COMMD10: variants seen among roughly 807,000 people sequenced by gnomAD.
COMMD10 encodes COMM domain-containing protein 10.
COMMD10 carries 33 observed loss-of-function variants against 28.9 expected under a neutral mutation model. The ratio of observed to expected loss-of-function variants is 1.14; its 90% confidence interval spans 0.87 to 1.53. The LOEUF (loss-of-function observed/expected upper bound fraction) is 1.53, where lower values mean the gene tolerates loss of function less well. Among genes scored for constraint, COMMD10 ranks in the 40% most tolerant of loss-of-function variants. The pLI, the probability that COMMD10 is intolerant of heterozygous loss-of-function variation, is 0.00. For synonymous variants in COMMD10, 110 were observed against 81.7 expected, an observed-to-expected ratio of 1.35 and a Z score of -1.87; for missense variants, 310 against 233.4, an observed-to-expected ratio of 1.33 and a Z score of -2.14.
intron 5 of COMMD10, among the ~76,000 whole-genome samples, chr5:116,154,759 T>C (rs1369082440): frequency 6.7e-6 from 1 of 149,400 alleles, no homozygotes. Flanking sequence ...TTTTTGCACA[T>C]ACATTTTAAA....
chr5:116,151,643 A>T (rs1363316013), intron 5 of COMMD10, among the ~76,000 whole-genome samples: 243 of 152,202 alleles, frequency 1.6e-3, no homozygotes, highest in Non-Finnish European at 6.8e-4. Context: ...GTTTATTTGC[A>T]TAGAGGTGTT....
At chr5:116,134,516 A>G (rs1751968789) in intron 5 of COMMD10, among the ~76,000 whole-genome samples, 1 of 152,242 alleles carries the variant, frequency 6.6e-6, no homozygotes, top group African/African-American at 2.4e-5. Flanking sequence ...TTTGTTGTCC[A>G]GCTAGAGCCT....
intron 5 of COMMD10, among the ~76,000 whole-genome samples, chr5:116,289,741 A>G (rs949507639): frequency 1.3e-5 from 2 of 151,784 alleles, no homozygotes; most frequent in African/African-American, 4.9e-5. Flanking sequence ...TACACTGAAC[A>G]CTGTGAAATT....
chr5:116,136,344 G>A (rs553842202), intron 5 of COMMD10, among the ~76,000 whole-genome samples: 42 of 152,314 alleles, frequency 2.8e-4, no homozygotes, highest in African/African-American at 1.0e-3. Context: ...TATTCCATGA[G>A]TGAAAATACA....
intron 4 of COMMD10, among the ~76,000 whole-genome samples, chr5:116,113,108 A>T (rs910352553): frequency 6.6e-6 from 1 of 152,160 alleles, no homozygotes; most frequent in African/African-American, 2.4e-5. Flanking sequence ...TTCTTGGCTG[A>T]CAGTTGTTTT....
At chr5:116,129,800 A>C (rs1307985647) in intron 4 of COMMD10, among the ~76,000 whole-genome samples, 2 of 145,112 alleles carry the variant, frequency 1.4e-5, no homozygotes, top group East Asian at 3.9e-4. Context: ...ACTATATACT[A>C]TATAATATAT....
At chr5:116,202,903 T>A (rs1435026800) in intron 5 of COMMD10, among the ~76,000 whole-genome samples, 1 of 152,182 alleles carries the variant, frequency 6.6e-6, no homozygotes, top group Non-Finnish European at 1.5e-5. Context: ...AAATCCCATT[T>A]GTCAATTTTG....
intron 3 of COMMD10, among the ~76,000 whole-genome samples, chr5:116,091,952 C>T (rs1330756215): frequency 6.6e-6 from 1 of 152,140 alleles, no homozygotes; most frequent in Non-Finnish European, 1.5e-5. Context: ...GCCTTACATA[C>T]ATTATAGATC....
intron 2 of COMMD10, 34 bp downstream of exon 2, chr5:116,087,621 T>A: frequency 7.4e-7 from 1 of 1,351,188 alleles, no homozygotes. Context: ...CCTTGTAATC[T>A]TCCTTCTGAT....
At chr5:116,184,071 A>T (rs1006369005) in intron 5 of COMMD10, among the ~76,000 whole-genome samples, 3 of 152,098 alleles carry the variant, frequency 2.0e-5, no homozygotes, top group African/African-American at 7.2e-5. Context: ...TGAGGTCATG[A>T]TGCTTTGGGG....
chr5:116,179,776 G>C (rs965253166), intron 5 of COMMD10, among the ~76,000 whole-genome samples: 10 of 152,074 alleles, frequency 6.6e-5, no homozygotes, highest in African/African-American at 2.4e-4. Flanking sequence ...TCAACTGGAA[G>C]GTCAGTGTGA....
intron 5 of COMMD10, among the ~76,000 whole-genome samples, chr5:116,203,187 A>G (rs1331050501): frequency 6.6e-6 from 1 of 152,170 alleles, no homozygotes. Flanking sequence ...GAAAGTTTAG[A>G]GAAAAAAGAA....
intron 5 of COMMD10, among the ~76,000 whole-genome samples, chr5:116,233,594 A>G (rs919333140): frequency 7.9e-5 from 12 of 152,174 alleles, no homozygotes; most frequent in Admixed American, 2.6e-4. Context: ...TAAGGTGGTC[A>G]AGGAAGACCT....
chr5:116,193,739 C>T (rs918013820), intron 5 of COMMD10, among the ~76,000 whole-genome samples: 3 of 151,844 alleles, frequency 2.0e-5, no homozygotes, highest in Non-Finnish European at 4.4e-5. Context: ...TTCAGTACTC[C>T]ACTGACGGTA....
chr5:116,218,362 G>T (rs1749158943), intron 5 of COMMD10: 1 of 612,440 alleles, frequency 1.6e-6, no homozygotes, highest in Non-Finnish European at 3.0e-6. Flanking sequence ...GTGGGCTTTG[G>T]TGAGTCCAGG....
At chr5:116,107,030 C>G (rs1750861871) in intron 4 of COMMD10, among the ~76,000 whole-genome samples, 1 of 152,148 alleles carries the variant, frequency 6.6e-6, no homozygotes, top group South Asian at 2.1e-4. Context: ...ATGATGGTAG[C>G]TGGTTATTTT....
chr5:116,096,189 C>T (rs1223253899), intron 4 of COMMD10, among the ~76,000 whole-genome samples: 1 of 151,842 alleles, frequency 6.6e-6, no homozygotes, highest in Non-Finnish European at 1.5e-5. Flanking sequence ...TTGTAAATAA[C>T]TTTATTGAGA....
intron 4 of COMMD10, among the ~76,000 whole-genome samples, chr5:116,105,397 A>G (rs1373165380): frequency 1.3e-5 from 2 of 152,184 alleles, no homozygotes; most frequent in African/African-American, 4.8e-5. Flanking sequence ...GATGTTCATC[A>G]GGGATACTGG....
intron 5 of COMMD10, among the ~76,000 whole-genome samples, chr5:116,155,436 A>C (rs1265213991): frequency 6.6e-6 from 1 of 152,028 alleles, no homozygotes; most frequent in African/African-American, 2.4e-5. Flanking sequence ...TCCATTTTCT[A>C]CTGATTTTAG....
Sources: gnomAD v4.1 joint callset for allele counts (sites outside exome capture counted in the v4.1 genomes callset) on GRCh38, gnomAD v4.1.1 for gene constraint, MANE v1.5 for transcripts, NCBI Gene and HGNC (gene_info 2026-07-23, HGNC 2026-07-21) for gene names.